Variants in EYS observed in about 807,000 individuals in gnomAD.
EYS encodes the protein EGF-like photoreceptor maintenance factor.
A neutral mutation model predicts 282.1 loss-of-function variants in EYS; 250 were observed. The observed-to-expected ratio is 0.89, with a 90% CI of 0.80 to 0.98. The LOEUF (loss-of-function observed/expected upper bound fraction) is 0.98. Among genes scored for constraint, EYS ranks in the 50% least tolerant of loss-of-function variants. The pLI is 0.00. For synonymous variants in EYS, 1,355 were observed against 1,282.9 expected (o/e 1.06, Z -1.20); for missense variants, 4,016 against 3,709.0 (o/e 1.08, Z -2.15).
At chr6:65,258,691 C>T (rs532210215) in intron 12 of EYS, among the ~76,000 whole-genome samples, 6 of 152,036 alleles carry the variant, frequency 3.9e-5, no homozygotes, top group South Asian at 4.1e-4. Flanking sequence ...AGAAATTTTG[C>T]GGTGGAATAT....
intron 31 of EYS, among the ~76,000 whole-genome samples, chr6:64,119,925 T>C (rs1288677607): frequency 6.6e-6 from 1 of 152,364 alleles, no homozygotes; most frequent in Non-Finnish European, 1.5e-5. Context: ...CTTTTTTATG[T>C]TTAAATTTAC....
At chr6:64,868,024 G>T (rs1766477553) in intron 19 of EYS, among the ~76,000 whole-genome samples, 1 of 151,092 alleles carries the variant, frequency 6.6e-6, no homozygotes, top group African/African-American at 2.4e-5. Flanking sequence ...CTAATACCAT[G>T]GATTGTTCGA....
chr6:64,042,107 C>T (rs572439686), intron 33 of EYS, among the ~76,000 whole-genome samples: 2 of 152,104 alleles, frequency 1.3e-5, no homozygotes, highest in South Asian at 2.1e-4. Flanking sequence ...TAATGATGAA[C>T]GAGAGCGGAA....
intron 36 of EYS, among the ~76,000 whole-genome samples, chr6:63,829,272 C>T (rs952714895): frequency 1.3e-5 from 2 of 152,186 alleles, no homozygotes; most frequent in Non-Finnish European, 2.9e-5. Context: ...GGTATCACCT[C>T]ACCCGGGAAA....
intron 35 of EYS, among the ~76,000 whole-genome samples, chr6:63,928,706 T>C (rs924489326): frequency 6.6e-6 from 1 of 152,212 alleles, no homozygotes; most frequent in African/African-American, 2.4e-5. Context: ...TTCCTGACAT[T>C]TTAATTCAAG....
chr6:64,756,261 T>C lies in EYS; in HGVS notation c.3443+57117A>G, dbSNP rs538525425. Among the ~76,000 whole-genome samples, 11 of 152,334 alleles carry C rather than the reference T, an allele frequency of 7.2e-5. 1 individual carries two copies. In the East Asian group the frequency reaches 2.1e-3, roughly 29 times the overall value. On this transcript the variant is annotated intron_variant, in intron 22 of 42. Transcript: ENST00000503581. ...TTTATATTTACTTTATGGCAATGTT[T>C]AAAGTTTGCAGCAGTAGAAAAACTG...
intron 14 of EYS, among the ~76,000 whole-genome samples, chr6:64,979,546 C>A (rs1031292514): frequency 6.6e-6 from 1 of 151,486 alleles, no homozygotes; most frequent in Non-Finnish European, 1.5e-5. Context: ...TTGAGCAGAG[C>A]AGGACCTGTA....
At chr6:65,576,496 G>A (rs1320802967) in intron 2 of EYS, among the ~76,000 whole-genome samples, 1 of 151,924 alleles carries the variant, frequency 6.6e-6, no homozygotes, top group Non-Finnish European at 1.5e-5. Context: ...AAAGTTGGAA[G>A]ATTTTCCTGT....
chr6:64,193,154 CA>C (rs1283397558), intron 31 of EYS, among the ~76,000 whole-genome samples: 3 of 151,988 alleles, frequency 2.0e-5, no homozygotes, highest in Non-Finnish European at 2.9e-5. Flanking sequence ...TCACATTTTA[CA>C]AAATAAAATT....
At chr6:65,165,820 A>C (rs996106185) in intron 12 of EYS, among the ~76,000 whole-genome samples, 1 of 151,210 alleles carries the variant, frequency 6.6e-6, no homozygotes, top group Non-Finnish European at 1.5e-5. Context: ...CATATAGAAA[A>C]TTCTAAGGAA....
At chr6:64,281,144 TGCAATCCTTTA>T (rs1768294097) in intron 30 of EYS, among the ~76,000 whole-genome samples, 3 of 152,140 alleles carry the variant, frequency 2.0e-5, no homozygotes, top group Non-Finnish European at 2.9e-5. Flanking sequence ...GCCTGGACAC[TGCAATCCTTTA>T]ATTGGCTTTA....
chr6:65,082,685 A>G (rs1374480257), intron 12 of EYS, among the ~76,000 whole-genome samples: 1 of 152,056 alleles, frequency 6.6e-6, no homozygotes, highest in African/African-American at 2.4e-5. Flanking sequence ...TTATTTTGAT[A>G]ATGAAGGATA....
At chr6:65,470,263 CT>C (rs1765159993) in intron 5 of EYS, among the ~76,000 whole-genome samples, 2 of 152,066 alleles carry the variant, frequency 1.3e-5, no homozygotes, top group South Asian at 4.1e-4. Flanking sequence ...TCTGAGCTTT[CT>C]TTTCTCTAAT....
At chr6:63,739,204 G>C (rs985387068) in intron 41 of EYS, among the ~76,000 whole-genome samples, 1 of 152,042 alleles carries the variant, frequency 6.6e-6, no homozygotes, top group Non-Finnish European at 1.5e-5. Flanking sequence ...TGGTTCCTGT[G>C]TCCTCCTGTC....
At chr6:64,378,352 G>T (rs963212641) in intron 29 of EYS, among the ~76,000 whole-genome samples, 1 of 151,924 alleles carries the variant, frequency 6.6e-6, no homozygotes, top group Admixed American at 6.6e-5. Flanking sequence ...AAACCAAAAT[G>T]ATAATTATTT....
chr6:63,850,467 T>G (rs895035161), intron 36 of EYS, among the ~76,000 whole-genome samples: 1 of 152,186 alleles, frequency 6.6e-6, no homozygotes, highest in African/African-American at 2.4e-5. Context: ...CCCATCAGAC[T>G]AACAGTGGAT....
intron 26 of EYS, among the ~76,000 whole-genome samples, chr6:64,552,729 A>AT (rs985881933): frequency 4.0e-5 from 6 of 151,582 alleles, no homozygotes; most frequent in African/African-American, 1.5e-4. Context: ...CCTGGCCAAC[A>AT]TGGTGAACCC....
At chr6:65,020,972 C>G (rs1279494596) in intron 13 of EYS, among the ~76,000 whole-genome samples, 1 of 152,124 alleles carries the variant, frequency 6.6e-6, no homozygotes, top group Non-Finnish European at 1.5e-5. Flanking sequence ...CACCAAGTCC[C>G]AAGGCTGCAC....
At chr6:64,662,167 G>A (rs1769053568) in intron 22 of EYS, among the ~76,000 whole-genome samples, 1 of 147,340 alleles carries the variant, frequency 6.8e-6, no homozygotes, top group African/African-American at 2.5e-5. Flanking sequence ...CTCACTCATA[G>A]GTGGGAACTG....
Sources: gnomAD v4.1 joint callset for allele counts (sites outside exome capture counted in the v4.1 genomes callset) on GRCh38, gnomAD v4.1.1 for gene constraint, MANE v1.5 for transcripts, NCBI Gene and HGNC (gene_info 2026-07-23, HGNC 2026-07-21) for gene names.